GAS7: variants seen among roughly 807,000 people sequenced by gnomAD.
GAS7 encodes growth arrest-specific protein 7.
In GAS7, 28 loss-of-function variants were observed where a neutral mutation model predicts 71.1. The ratio of observed to expected loss-of-function variants is 0.39; its 90% CI spans 0.29 to 0.54. The LOEUF is 0.54. GAS7 is among the 20% of genes least tolerant of loss of function. The pLI, the probability that GAS7 is intolerant of heterozygous loss-of-function variation, is 0.62. For synonymous variants in GAS7, 258 were observed against 245.8 expected (o/e 1.05, Z -0.46); for missense variants, 436 against 627.8 (o/e 0.69, Z 3.27).
At chr17:10,081,345 G>A (rs374134511) in intron 1 of GAS7, among the ~76,000 whole-genome samples, 5 of 152,082 alleles carry the variant, frequency 3.3e-5, no homozygotes, top group African/African-American at 9.6e-5. Flanking sequence ...TTGTAGAGAC[G>A]GGGTTTCACC....
chr17:9,998,703 G>GA (rs72070543), intron 2 of GAS7, among the ~76,000 whole-genome samples: 1 of 144,856 alleles, frequency 6.9e-6, no homozygotes, highest in Non-Finnish European at 1.5e-5. Flanking sequence ...AAAGGAAAAG[G>GA]GAAGGGAAGG....
intron 8 of GAS7, 24 bp from the exon 9 acceptor site, chr17:9,934,268 T>C: frequency 2.0e-6 from 3 of 1,535,492 alleles, no homozygotes; most frequent in Non-Finnish European, 2.7e-6. Flanking sequence ...ACCATGAGAC[T>C]CAGGTCACAA....
chr17:10,196,701 A>C (rs1239208487), intron 1 of GAS7, among the ~76,000 whole-genome samples: 1 of 152,214 alleles, frequency 6.6e-6, no homozygotes, highest in East Asian at 1.9e-4. Context: ...GACATCCATC[A>C]GCCAAATTTC....
intron 1 of GAS7, among the ~76,000 whole-genome samples, chr17:10,136,040 C>T (rs1201891964): frequency 3.9e-5 from 6 of 152,160 alleles, no homozygotes; most frequent in Non-Finnish European, 5.9e-5. Flanking sequence ...CACCAAGGAC[C>T]GTCTGAAGGG....
chr17:10,149,398 C>G (rs539760065), intron 1 of GAS7, among the ~76,000 whole-genome samples: 1 of 152,250 alleles, frequency 6.6e-6, no homozygotes, highest in South Asian at 2.1e-4. Flanking sequence ...CCACCGCGCC[C>G]GGCCCCATTT....
chr17:9,976,799 A>G (rs1042980909), intron 3 of GAS7, among the ~76,000 whole-genome samples: 5 of 152,226 alleles, frequency 3.3e-5, no homozygotes, highest in African/African-American at 1.2e-4. Flanking sequence ...TCAAAAAATA[A>G]TAGATTTCTT....
chr17:10,187,984 G>T (rs1482532936), intron 1 of GAS7, among the ~76,000 whole-genome samples: 1 of 152,066 alleles, frequency 6.6e-6, no homozygotes, highest in Admixed American at 6.6e-5. Flanking sequence ...TTTAAATTCA[G>T]TTTCATCCCA....
intron 1 of GAS7, among the ~76,000 whole-genome samples, chr17:10,146,616 T>C (rs915700851): frequency 6.6e-6 from 1 of 152,098 alleles, no homozygotes; most frequent in East Asian, 1.9e-4. Flanking sequence ...ACTGTGATGC[T>C]CTCTCAGCTT....
At chr17:10,005,161 G>GTACA (rs2071447972) in intron 2 of GAS7, among the ~76,000 whole-genome samples, 2 of 31,272 alleles carry the variant, frequency 6.4e-5, no homozygotes, top group Non-Finnish European at 1.3e-4. Flanking sequence ...ATGCATGTGT[G>GTACA]TGCGCACGCA....
intron 1 of GAS7, chr17:10,036,296 G>T: frequency 1.3e-6 from 1 of 781,358 alleles, no homozygotes; most frequent in South Asian, 1.4e-5. Flanking sequence ...AGGGTCCCCA[G>T]ACCACCACAG....
In GAS7 at chr17:10,034,850, C is replaced by A. The variant is rs990240470; in HGVS notation, c.184-14953G>T. Among the ~76,000 whole-genome samples, 2 of 152,152 alleles carry A rather than the reference C, an allele frequency of 1.3e-5. No individual in the cohort carries two copies. Among genetic ancestry groups the A allele is most frequent in the Non-Finnish European group, 2.9e-5 (2 of 68,020 alleles). Reference sequence around the variant, plus strand: ...ATGCGTCCACCTCTTCCCTGTCACTCCTCCGAGCCACGTGAGTGGTCTTAG... The same window carrying A: ...ATGCGTCCACCTCTTCCCTGTCACTACTCCGAGCCACGTGAGTGGTCTTAG... On this transcript the variant is annotated intron_variant, in intron 1 of 13. Transcript: ENST00000432992. This position sits in a 1 kb window ranked among gnomAD's most constrained non-coding sequence, Gnocchi z 4.4.
intron 8 of GAS7, among the ~76,000 whole-genome samples, chr17:9,934,530 G>T (rs1049314369): frequency 6.6e-6 from 1 of 152,074 alleles, no homozygotes; most frequent in Admixed American, 6.6e-5. Context: ...AAATCCAGAG[G>T]CTCGAAAGGA....
chr17:10,183,262 T>A (rs2074429281), intron 1 of GAS7, among the ~76,000 whole-genome samples: 1 of 152,120 alleles, frequency 6.6e-6, no homozygotes, highest in Non-Finnish European at 1.5e-5. Context: ...CTGCATTTCA[T>A]AAGACTCACA....
chr17:10,040,362 T>C (rs7216104), intron 1 of GAS7, among the ~76,000 whole-genome samples: 67,546 of 151,846 alleles, frequency 0.44, 17,013 homozygotes, highest in African/African-American at 0.71. Flanking sequence ...AATATAGTAG[T>C]GAAGGATGGC....
intron 1 of GAS7, among the ~76,000 whole-genome samples, chr17:10,105,349 C>T (rs1279941541): frequency 6.6e-6 from 1 of 152,104 alleles, no homozygotes; most frequent in Non-Finnish European, 1.5e-5. Flanking sequence ...GCCTGCAGCC[C>T]AGCTTTGACT....
At position 10,101,802 on chromosome 17, in the gene GAS7, C is replaced by T. The variant is rs541719807; in HGVS notation, c.184-81905G>A. ...GACTTCTATCACTGTTCCCACCATG[C>T]GTTTTGGCAAAGGGATGCCAGGACC... On this transcript the variant is annotated intron_variant, in intron 1 of 13. Transcript: ENST00000432992. Among the ~76,000 whole-genome samples, 12 of 152,296 alleles carry T rather than the reference C, an allele frequency of 7.9e-5. No homozygotes were observed. In the South Asian group the frequency reaches 2.1e-3, roughly 26 times the overall value.
intron 2 of GAS7, among the ~76,000 whole-genome samples, chr17:10,013,102 CAAAA>C (rs1207550210): frequency 3.1e-5 from 3 of 96,814 alleles, no homozygotes; most frequent in Admixed American, 1.2e-4. Context: ...GACTCTGTCT[CAAAA>C]AAAAAAAAAA....
At chr17:10,024,150 A>G (rs1199453980) in intron 1 of GAS7, among the ~76,000 whole-genome samples, 1 of 152,136 alleles carries the variant, frequency 6.6e-6, no homozygotes, top group Non-Finnish European at 1.5e-5. Context: ...TAAAAAAATA[A>G]AAAAACTTTT....
chr17:10,125,087 G>A (rs1026370307), intron 1 of GAS7, among the ~76,000 whole-genome samples: 3 of 151,142 alleles, frequency 2.0e-5, no homozygotes, highest in Non-Finnish European at 4.4e-5. Context: ...AAAAGGGGGG[G>A]TGTGGAAGAA....
Sources: gnomAD v4.1 joint callset for allele counts (sites outside exome capture counted in the v4.1 genomes callset) on GRCh38, gnomAD v4.1.1 for gene constraint, Gnocchi (gnomAD v3.1) non-coding constraint, MANE v1.5 for transcripts, NCBI Gene and HGNC (gene_info 2026-07-23, HGNC 2026-07-21) for gene names.